KIF1B: variants seen among roughly 807,000 people sequenced by gnomAD.
The protein encoded by KIF1B is kinesin family member 1B.
In KIF1B, 76 loss-of-function variants were observed where a neutral mutation model predicts 241.9. That is an observed-to-expected ratio of 0.31 (90% confidence interval 0.26 to 0.38). The LOEUF is 0.38. Ranked by LOEUF, KIF1B falls within the 10% of genes least tolerant of loss-of-function variation. KIF1B has a pLI of 1.00. For missense variants in KIF1B, 1,622 were observed against 2,271.4 expected (o/e 0.71, Z 5.81); for synonymous variants, 750 against 796.7 (o/e 0.94, Z 0.99).
At chr1:10,318,713 C>T (rs898363463) in intron 22 of KIF1B, among the ~76,000 whole-genome samples, 1 of 152,094 alleles carries the variant, frequency 6.6e-6, no homozygotes, top group Non-Finnish European at 1.5e-5. Flanking sequence ...TAGAGTGAGA[C>T]TCCATCTCAA....
chr1:10,316,588 C>T (rs988846042), intron 22 of KIF1B, among the ~76,000 whole-genome samples: 7 of 151,434 alleles, frequency 4.6e-5, no homozygotes, highest in African/African-American at 1.7e-4. Flanking sequence ...GCACCCTCCG[C>T]CTCCCGGGCT....
chr1:10,380,801 C>A lies in KIF1B; in HGVS notation c.*4214C>A. 1 of 219,322 alleles carries A rather than the reference C, an allele frequency of 4.6e-6. No individual in the cohort carries two copies. The highest frequency in any genetic ancestry group is 9.2e-6 in the Non-Finnish European group (1 of 109,010). 13.6% of individuals were successfully genotyped at this position (219,322 alleles called of 1,614,324 possible). On this transcript the variant is annotated 3_prime_UTR_variant, in exon 49 of 49. Coordinates refer to ENST00000676179, the MANE Select transcript of KIF1B (RefSeq NM_001365951.3). Reference sequence around the variant, plus strand: ...AACTTGTGTGCACTACAGTTGTTCACCAGGGCCAGTGATTCACCCCAGTGT... The same window carrying A: ...AACTTGTGTGCACTACAGTTGTTCAACAGGGCCAGTGATTCACCCCAGTGT...
chr1:10,270,213 A>G (rs1244739574), intron 7 of KIF1B, among the ~76,000 whole-genome samples: 1 of 152,200 alleles, frequency 6.6e-6, no homozygotes, highest in Non-Finnish European at 1.5e-5. Flanking sequence ...AAGTTGCCTC[A>G]TATCTCTTTG....
intron 1 of KIF1B, among the ~76,000 whole-genome samples, chr1:10,223,049 C>G (rs575395955): frequency 2.6e-5 from 4 of 152,232 alleles, no homozygotes; most frequent in African/African-American, 9.6e-5. Context: ...GTCAGGAGTT[C>G]AAGACCAGCC....
Position 10,314,058 on chromosome 1 carries a change from A to G in KIF1B, c.2116-5985A>G, listed in dbSNP as rs1054212304. 2.0e-5 allele frequency among the ~76,000 whole-genome samples: 3 copies of G among 150,788 alleles called. 1 individual carries two copies. The highest frequency in any genetic ancestry group is 4.9e-5 in the African/African-American group (2 of 40,440). On this transcript the variant is annotated intron_variant, in intron 22 of 48. Transcript: ENST00000676179. ...ACGGCATGTGCCACCATGCCTAGCT[A>G]ATTTTTGTATCATTAGTAGAGATGG...
chr1:10,346,568 T>G (rs932640970), intron 35 of KIF1B, among the ~76,000 whole-genome samples: 2 of 152,126 alleles, frequency 1.3e-5, no homozygotes, highest in Admixed American at 1.3e-4. Context: ...TTTCACCATG[T>G]TGGCCAGGCT....
rs768672234 is a variant in KIF1B, at chr1:10,295,758, G to T, written c.1769G>T (p.Ser590Ile). 1.9e-6 allele frequency: 3 copies of T among 1,613,196 alleles called. No homozygotes were observed. Among genetic ancestry groups the T allele is most frequent in the Admixed American group, 3.3e-5 (2 of 59,994 alleles). ...HCIFRSERSN[S>I]GEVIVTLEPC... The stretch of plus-strand genomic sequence containing the variant: ...ATCTTCCGGAGTGAGAGAAGCAACA[G>T]CGGGGAAGGTGAGCATTCCTGGCTG... The change falls in exon 19 of 49, where the codon AGC becomes ATC. Residue 590 changes from serine (S) to isoleucine (I), a missense_variant. Ser to Ile is a moderately radical substitution (Grantham distance 142). Transcript: ENST00000676179.
At chr1:10,344,339 G>A (rs963203912) in intron 34 of KIF1B, among the ~76,000 whole-genome samples, 4 of 152,128 alleles carry the variant, frequency 2.6e-5, no homozygotes, top group Admixed American at 6.5e-5. Context: ...ATCCTCAGGC[G>A]CTTGTCCTGA....
intron 45 of KIF1B, 122 bp downstream of exon 45, chr1:10,371,384 G>A (rs911678250): frequency 8.4e-7 from 1 of 1,192,340 alleles, no homozygotes; most frequent in African/African-American, 1.5e-5. Flanking sequence ...ATTTGGAAAT[G>A]TGTGGGAGCC....
At chr1:10,290,295 G>T (rs1411026958) in intron 15 of KIF1B, among the ~76,000 whole-genome samples, 2 of 151,938 alleles carry the variant, frequency 1.3e-5, no homozygotes, top group Non-Finnish European at 2.9e-5. Context: ...TATGCATTAG[G>T]TTCTTATATT....
chr1:10,281,812 A>G (rs185056982), intron 14 of KIF1B, among the ~76,000 whole-genome samples: 15 of 152,332 alleles, frequency 9.8e-5, no homozygotes, highest in Admixed American at 5.2e-4. Context: ...ATTTTGTTTT[A>G]ACTGTAACAT....
intron 1 of KIF1B, among the ~76,000 whole-genome samples, chr1:10,226,417 T>TA (rs1646909268): frequency 6.6e-6 from 1 of 152,216 alleles, no homozygotes; most frequent in South Asian, 2.1e-4. Flanking sequence ...GGTTCATAGT[T>TA]ACAAATACAT....
At chr1:10,357,815 C>T (rs925764932) in intron 38 of KIF1B, among the ~76,000 whole-genome samples, 3 of 151,978 alleles carry the variant, frequency 2.0e-5, no homozygotes, top group African/African-American at 7.3e-5. Context: ...TCGAGACCAG[C>T]CTGGCCAACA....
At chr1:10,325,871 C>T (rs1651703250) in intron 26 of KIF1B, among the ~76,000 whole-genome samples, 1 of 152,186 alleles carries the variant, frequency 6.6e-6, no homozygotes, top group Admixed American at 6.5e-5. Context: ...GGTCTACTCA[C>T]GTGTTTCCTT....
chr1:10,273,104 G>T, intron 10 of KIF1B, 73 bp downstream of exon 10: 1 of 1,112,698 alleles, frequency 9.0e-7, no homozygotes, highest in Non-Finnish European at 1.3e-6. Flanking sequence ...ATGTATGGAG[G>T]CATAAGTAGG....
At chr1:10,216,246 T>TTA (rs985540757) in intron 1 of KIF1B, among the ~76,000 whole-genome samples, 1 of 152,200 alleles carries the variant, frequency 6.6e-6, no homozygotes, top group Admixed American at 6.6e-5. Flanking sequence ...TTCCAGTTGT[T>TTA]TAGTGTTATG....
intron 27 of KIF1B, among the ~76,000 whole-genome samples, chr1:10,329,039 C>T (rs555179144): frequency 1.8e-4 from 28 of 152,276 alleles, no homozygotes; most frequent in African/African-American, 4.1e-4. Flanking sequence ...GTATTGTTTT[C>T]TCTCTAGTTT....
chr1:10,358,218 G>A lies in KIF1B; in HGVS notation c.4056-2711G>A, dbSNP rs529098448. Among the ~76,000 whole-genome samples, 4 of 151,986 alleles carry A rather than the reference G, an allele frequency of 2.6e-5. No individual in the cohort carries two copies. The South Asian group carries it at 6.2e-4, about 24-fold the overall frequency. On this transcript the variant is annotated intron_variant, in intron 38 of 48. Coordinates refer to ENST00000676179, the MANE Select transcript of KIF1B (RefSeq NM_001365951.3). Reference sequence around the variant, plus strand: ...GTCAAAATTTCCTTTGTGTTAACCAGGTTTCTGCAAGTGAAATTTTCTCTT... The same window carrying A: ...GTCAAAATTTCCTTTGTGTTAACCAAGTTTCTGCAAGTGAAATTTTCTCTT...
At chr1:10,342,944 A>G (rs1652455314) in intron 33 of KIF1B, among the ~76,000 whole-genome samples, 1 of 152,230 alleles carries the variant, frequency 6.6e-6, no homozygotes, top group African/African-American at 2.4e-5. Flanking sequence ...GTTTACGTTA[A>G]TGTTGGAAAA....
Sources: allele counts gnomAD v4.1 joint callset (sites outside exome capture counted in the v4.1 genomes callset), GRCh38; gene constraint gnomAD v4.1.1; transcripts MANE v1.5; gene names NCBI Gene and HGNC (gene_info 2026-07-23, HGNC 2026-07-21).